RPIA: variants seen among roughly 807,000 people sequenced by gnomAD.
RPIA encodes ribose-5-phosphate isomerase.
A neutral mutation model predicts 37.8 loss-of-function variants in RPIA; 29 were observed. The observed-to-expected ratio is 0.77, with a 90% CI of 0.57 to 1.05. The LOEUF is 1.05. Among genes scored for constraint, RPIA ranks in the 50% least tolerant of loss-of-function variants. The pLI is 0.00. For synonymous variants in RPIA, 167 were observed against 157.0 expected, an observed-to-expected ratio of 1.06 and a Z score of -0.48; for missense variants, 385 against 413.6, an observed-to-expected ratio of 0.93 and a Z score of 0.60.
chr2:88,741,779 A>C (rs372216778), intron 8 of RPIA, among the ~76,000 whole-genome samples: 1 of 152,074 alleles, frequency 6.6e-6, no homozygotes, highest in Non-Finnish European at 1.5e-5. Flanking sequence ...GTGGTATTGC[A>C]TTGTGGTTTT....
chr2:88,737,603 AG>A, intron 7 of RPIA, among the ~76,000 whole-genome samples: 1 of 152,348 alleles, frequency 6.6e-6, no homozygotes, highest in Admixed American at 6.5e-5. Context: ...TAGTAACTTA[AG>A]GAAGCAGATA....
At chr2:88,723,300 C>A (rs937136051) in intron 3 of RPIA, among the ~76,000 whole-genome samples, 1 of 152,130 alleles carries the variant, frequency 6.6e-6, no homozygotes, top group Non-Finnish European at 1.5e-5. Flanking sequence ...TGCTTTCTAC[C>A]GCTCTAGAAG....
chr2:88,722,984 G>C (rs976823295), intron 3 of RPIA, among the ~76,000 whole-genome samples: 2 of 152,166 alleles, frequency 1.3e-5, no homozygotes, highest in Non-Finnish European at 2.9e-5. Flanking sequence ...CAGAAACCAA[G>C]TGCATAGTTT....
intron 5 of RPIA, 120 bp from the exon 6 acceptor site, chr2:88,735,549 A>C (rs1673304650): frequency 1.1e-6 from 1 of 917,388 alleles, no homozygotes; most frequent in East Asian, 2.4e-5. Context: ...TTTAAAAATT[A>C]AAAGTTAAGT....
intron 8 of RPIA, among the ~76,000 whole-genome samples, chr2:88,749,029 C>G (rs1048922301): frequency 1.3e-5 from 2 of 152,228 alleles, no homozygotes; most frequent in African/African-American, 4.8e-5. Flanking sequence ...CCACCATACC[C>G]AGCCTCTATT....
chr2:88,691,799 G>A lies in RPIA; in HGVS notation c.101G>A (p.Trp34Ter), dbSNP rs764583505. The A allele has an allele frequency of 6.3e-7, 1 of 1,594,322 alleles. No homozygotes were observed. Among genetic ancestry groups the A allele is most frequent in the South Asian group, 1.1e-5 (1 of 89,254 alleles). Residue 34 changes from tryptophan to a stop codon, truncating the protein, a stop_gained, in exon 1 of 9, where the codon TGG becomes TAG. Coordinates refer to ENST00000283646, the MANE Select transcript of RPIA (RefSeq NM_144563.3). LOFTEE classifies it high-confidence loss of function. ...GAASGGGGNS[W>*]DLPGSHVRLP... is the part of the protein sequence containing the mutation. ...GCCTCCGGCGGAGGAGGGAACAGCT[G>A]GGACCTCCCGGGTTCCCACGTGCGG...
intron 8 of RPIA, among the ~76,000 whole-genome samples, chr2:88,741,817 T>A (rs1673386580): frequency 6.6e-6 from 1 of 152,234 alleles, no homozygotes; most frequent in African/African-American, 2.4e-5. Context: ...TCATTAGTGA[T>A]GTTGAGCATT....
At chr2:88,730,357 C>T (rs1218708454) in intron 4 of RPIA, among the ~76,000 whole-genome samples, 4 of 106,116 alleles carry the variant, frequency 3.8e-5, no homozygotes, top group Non-Finnish European at 6.7e-5. Flanking sequence ...TCCAGTTGCA[C>T]ATCAAAAAGC....
intron 1 of RPIA, among the ~76,000 whole-genome samples, chr2:88,696,747 T>C (rs1312694191): frequency 2.0e-5 from 3 of 152,276 alleles, no homozygotes; most frequent in South Asian, 4.1e-4. Context: ...TGAACAGAAA[T>C]GTTTTGGCTT....
chr2:88,693,675 A>G (rs938503966), intron 1 of RPIA, among the ~76,000 whole-genome samples: 4 of 152,202 alleles, frequency 2.6e-5, no homozygotes, highest in African/African-American at 7.2e-5. Flanking sequence ...TGTTTGTTCA[A>G]TTGTGTGCAG....
At chr2:88,710,449 T>C (rs1672948875) in intron 3 of RPIA, among the ~76,000 whole-genome samples, 2 of 152,198 alleles carry the variant, frequency 1.3e-5, no homozygotes, top group Admixed American at 6.5e-5. Context: ...TGGAGAAAGT[T>C]TCCAGGATCT....
At chr2:88,735,149 C>T (rs1673299714) in intron 5 of RPIA, among the ~76,000 whole-genome samples, 1 of 152,212 alleles carries the variant, frequency 6.6e-6, no homozygotes, top group Admixed American at 6.5e-5. Context: ...TTTAAAATCA[C>T]ACTTTACTGT....
intron 1 of RPIA, among the ~76,000 whole-genome samples, chr2:88,696,966 A>G (rs1482637276): frequency 6.6e-6 from 1 of 152,236 alleles, no homozygotes; most frequent in Non-Finnish European, 1.5e-5. Flanking sequence ...AAAGCATAAC[A>G]GGAGAAGTCA....
Position 88,691,686 on chromosome 2 carries a change from G to A in RPIA, c.-13G>A. On this transcript the variant is annotated 5_prime_UTR_variant, in exon 1 of 9. Coordinates refer to ENST00000283646, the MANE Select transcript of RPIA (RefSeq NM_144563.3). ...GGGCGGGACTTCAGCGGAGGCCGGA[G>A]CGAGGCGTCGGGATGCAGCGCCCCG... is the stretch of plus-strand genomic sequence containing the variant. 6.4e-7 allele frequency: 1 copy of A among 1,568,430 alleles called. No individual in the cohort carries two copies. Among genetic ancestry groups the A allele is most frequent in the African/African-American group, 1.4e-5 (1 of 73,608 alleles).
intron 3 of RPIA, among the ~76,000 whole-genome samples, chr2:88,720,803 G>A (rs1673111125): frequency 6.6e-6 from 1 of 152,082 alleles, no homozygotes; most frequent in African/African-American, 2.4e-5. Context: ...GGAAGACAGT[G>A]TGGCAATTCC....
chr2:88,742,511 G>C (rs1673394174), intron 8 of RPIA, among the ~76,000 whole-genome samples: 1 of 152,130 alleles, frequency 6.6e-6, no homozygotes, highest in African/African-American at 2.4e-5. Flanking sequence ...TTTTTGCTTA[G>C]TCTTGCTTTG....
chr2:88,692,506 T>C (rs1676952136), intron 1 of RPIA, among the ~76,000 whole-genome samples: 1 of 152,188 alleles, frequency 6.6e-6, no homozygotes, highest in Non-Finnish European at 1.5e-5. Context: ...AACTTCCTTC[T>C]TTCCATAGGG....
intron 4 of RPIA, 38 bp from the exon 5 acceptor site, chr2:88,734,514 C>T (rs138243239): frequency 4.6e-5 from 74 of 1,605,628 alleles, no homozygotes; most frequent in African/African-American, 8.0e-5. Context: ...AGGCTCCCCT[C>T]GAGTGGTTTT....
Position 88,750,231 on chromosome 2 carries a change from C to G in RPIA, c.*153C>G. On this transcript the variant is annotated 3_prime_UTR_variant, in exon 9 of 9. Transcript: ENST00000283646. The stretch of plus-strand genomic sequence containing the variant: ...AGTGGGAGGGGGAGTTAAATCCAGT[C>G]TTATGAAGTATTGTTATTAAATGTC... The G allele has an allele frequency of 4.9e-6, 3 of 617,346 alleles. No individual in the cohort carries two copies. Among genetic ancestry groups the G allele is most frequent in the Non-Finnish European group, 5.9e-6 (2 of 337,584 alleles). The allele number at this position is 617,346 out of a possible 1,614,324, so 38.2% of individuals were successfully genotyped here. A position where few individuals can be genotyped will look rare whatever the true frequency, so the allele number is the denominator to read the frequency against.
Sources: allele counts gnomAD v4.1 joint callset (sites outside exome capture counted in the v4.1 genomes callset), GRCh38; gene constraint gnomAD v4.1.1; transcripts MANE v1.5; gene names NCBI Gene and HGNC (gene_info 2026-07-23, HGNC 2026-07-21).